Variants in LMBR1 observed in about 807,000 individuals in gnomAD.
The protein encoded by LMBR1 is limb region 1 protein homolog.
LMBR1 carries 52 observed loss-of-function variants against 73.9 expected under a neutral mutation model. That is an observed-to-expected ratio of 0.70 (90% CI 0.56 to 0.89). The LOEUF (loss-of-function observed/expected upper bound fraction) is 0.89. Among genes scored for constraint, LMBR1 ranks in the 40% least tolerant of loss-of-function variants. The pLI, the probability that LMBR1 is intolerant of heterozygous loss-of-function variation, is 0.00. For synonymous variants in LMBR1, 215 were observed against 209.4 expected, an observed-to-expected ratio of 1.03 and a Z score of -0.23; for missense variants, 539 against 579.8, an observed-to-expected ratio of 0.93 and a Z score of 0.72.
At chr7:156,796,564 T>C (rs1272612850) in intron 4 of LMBR1, 72 bp from the exon 5 acceptor site, 4 of 875,752 alleles carry the variant, frequency 4.6e-6, no homozygotes, top group Non-Finnish European at 6.8e-6. Context: ...TCAAGATCTA[T>C]ACTTTTAAAT....
chr7:156,836,835 G>A lies in LMBR1; in HGVS notation c.117C>T (p.Ile39=), dbSNP rs1175176204. Residue 39 remains isoleucine, a synonymous_variant, in exon 2 of 17, where the codon ATC becomes ATT. Coordinates refer to ENST00000353442, the MANE Select transcript of LMBR1 (RefSeq NM_022458.4). ...AILYVVSYFI[I]TRYKRKSDEQ... ...TGCCTGATTTTCTCTTGTATCTTGTGATGATGAAGTAGGAAACAACGTAGA... is the reference window on the plus strand; with the variant it reads ...TGCCTGATTTTCTCTTGTATCTTGTAATGATGAAGTAGGAAACAACGTAGA... 6.3e-7 allele frequency: 1 copy of A among 1,579,226 alleles called. No homozygotes were observed. Among genetic ancestry groups the A allele is most frequent in the Admixed American group, 1.8e-5 (1 of 57,070 alleles).
At chr7:156,736,652 A>T (rs113386817) in intron 9 of LMBR1, 1 of 453,948 alleles carries the variant, frequency 2.2e-6, no homozygotes, top group Non-Finnish European at 4.4e-6. Flanking sequence ...TGAGCCACAC[A>T]CCTCTTCACT....
chr7:156,716,613 T>A (rs751834633), intron 15 of LMBR1, among the ~76,000 whole-genome samples: 1 of 152,230 alleles, frequency 6.6e-6, no homozygotes, highest in Non-Finnish European at 1.5e-5. Context: ...TCAAACTTTC[T>A]CACTTGGAAA....
Position 156,710,956 on chromosome 7 carries a change from A to G in LMBR1, c.1225+13156T>C, listed in dbSNP as rs535410277. On this transcript the variant is annotated intron_variant, in intron 15 of 16. Coordinates refer to ENST00000353442, the MANE Select transcript of LMBR1 (RefSeq NM_022458.4). ...AAATGAAGAAGAAAAATAAAGAAAT[A>G]TCTAGGAGAATATTTAGCCAAGGAG... 5.4e-4 allele frequency among the ~76,000 whole-genome samples: 82 copies of G among 152,204 alleles called. 1 individual carries two copies. Among genetic ancestry groups the G allele is most frequent in the Non-Finnish European group, 9.8e-4 (67 of 68,034 alleles).
intron 16 of LMBR1, among the ~76,000 whole-genome samples, chr7:156,687,816 C>T (rs1806292848): frequency 6.6e-6 from 1 of 152,110 alleles, no homozygotes; most frequent in African/African-American, 2.4e-5. Flanking sequence ...TTGATCTTCA[C>T]AAAAACCCTA....
chr7:156,719,830 A>C (rs1299684806), intron 15 of LMBR1, among the ~76,000 whole-genome samples: 1 of 152,232 alleles, frequency 6.6e-6, no homozygotes, highest in Non-Finnish European at 1.5e-5. Context: ...TCTTTGACAA[A>C]CCTGACAAAA....
chr7:156,738,754 C>T (rs1413829901), intron 9 of LMBR1, among the ~76,000 whole-genome samples: 1 of 152,088 alleles, frequency 6.6e-6, no homozygotes, highest in Non-Finnish European at 1.5e-5. Flanking sequence ...GTGGGGGACT[C>T]AGTTCTGGGA....
chr7:156,809,529 A>G (rs1832725914), intron 4 of LMBR1, among the ~76,000 whole-genome samples: 1 of 152,210 alleles, frequency 6.6e-6, no homozygotes, highest in Non-Finnish European at 1.5e-5. Flanking sequence ...ATACAGTGTA[A>G]ATCTATGTAA....
At chr7:156,796,285 T>G in intron 5 of LMBR1, 104 bp downstream of exon 5, 1 of 718,910 alleles carries the variant, frequency 1.4e-6, no homozygotes, top group Non-Finnish European at 2.3e-6. Flanking sequence ...CTACGCATTT[T>G]TTATATTCCA....
chr7:156,696,977 C>T (rs554123727), intron 15 of LMBR1, among the ~76,000 whole-genome samples: 12 of 152,228 alleles, frequency 7.9e-5, no homozygotes, highest in South Asian at 6.2e-4. Flanking sequence ...CTAGATACAA[C>T]GGGGATATAT....
At chr7:156,881,494 A>G (rs925061111) in intron 1 of LMBR1, among the ~76,000 whole-genome samples, 2 of 152,276 alleles carry the variant, frequency 1.3e-5, no homozygotes, top group Non-Finnish European at 2.9e-5. Context: ...GTGGGAATAC[A>G]TAAAACTAAA....
At chr7:156,756,584 C>G in intron 8 of LMBR1, 119 bp from the exon 9 acceptor site, 1 of 604,954 alleles carries the variant, frequency 1.7e-6, no homozygotes, top group South Asian at 1.9e-5. Context: ...TTTCTAAGAA[C>G]ACAAAACAAA....
intron 5 of LMBR1, among the ~76,000 whole-genome samples, chr7:156,780,327 T>G (rs1826900464): frequency 6.6e-6 from 1 of 152,198 alleles, no homozygotes; most frequent in African/African-American, 2.4e-5. Context: ...CATTGCCAGT[T>G]CATTGAATTA....
intron 1 of LMBR1, among the ~76,000 whole-genome samples, chr7:156,882,543 T>C (rs986843510): frequency 1.3e-5 from 2 of 152,164 alleles, no homozygotes; most frequent in African/African-American, 4.8e-5. Context: ...ATGATCCCAC[T>C]TATATAAGGT....
chr7:156,843,233 C>T lies in LMBR1; in HGVS notation c.67-6348G>A, dbSNP rs573189764. On this transcript the variant is annotated intron_variant, in intron 1 of 16. Coordinates refer to ENST00000353442, the MANE Select transcript of LMBR1 (RefSeq NM_022458.4). ...TACTCCACAAGCTCTTCATAGGTAA[C>T]ATCAAATACTCCCAGGATTTCAACA... Among the ~76,000 whole-genome samples the T allele has an allele frequency of 1.8e-4, 27 of 152,246 alleles. No individual in the cohort carries two copies. The South Asian group carries it at 5.2e-3, about 29-fold the overall frequency.
At chr7:156,718,726 G>A (rs74760046) in intron 15 of LMBR1, among the ~76,000 whole-genome samples, 2,166 of 152,152 alleles carry the variant, frequency 0.014, 56 homozygotes, top group African/African-American at 0.049. Context: ...AACAGAATGA[G>A]GATCTGTTTC....
At chr7:156,876,397 C>T (rs545915569) in intron 1 of LMBR1, among the ~76,000 whole-genome samples, 1 of 152,216 alleles carries the variant, frequency 6.6e-6, no homozygotes, top group East Asian at 1.9e-4. Flanking sequence ...CCACTGACAG[C>T]ACTAAACAGG....
intron 5 of LMBR1, among the ~76,000 whole-genome samples, chr7:156,767,852 C>A (rs958166490): frequency 6.6e-6 from 1 of 151,756 alleles, no homozygotes; most frequent in Non-Finnish European, 1.5e-5. Flanking sequence ...CCTATCAAAA[C>A]GAAAGTGATA....
At chr7:156,768,595 C>A (rs1221451102) in intron 5 of LMBR1, among the ~76,000 whole-genome samples, 2 of 152,154 alleles carry the variant, frequency 1.3e-5, no homozygotes, top group Non-Finnish European at 2.9e-5. Context: ...GATTGAGGGC[C>A]TAACTGGGTG....
Sources: gnomAD v4.1 joint callset for allele counts (sites outside exome capture counted in the v4.1 genomes callset) on GRCh38, gnomAD v4.1.1 for gene constraint, MANE v1.5 for transcripts, NCBI Gene and HGNC (gene_info 2026-07-23, HGNC 2026-07-21) for gene names.